P2RY8: variants seen among roughly 807,000 people sequenced by gnomAD.
The protein encoded by P2RY8 is S-geranylgeranyl-glutathione receptor P2RY8.
Under a neutral mutation model 10.0 loss-of-function variants are expected in P2RY8, and 6 were observed. That is an observed-to-expected ratio of 0.60 (90% CI 0.33 to 1.19). The LOEUF (loss-of-function observed/expected upper bound fraction) is 1.19. Ranked by LOEUF, P2RY8 falls within the 50% of genes most tolerant of loss-of-function variation. The probability of loss-of-function intolerance (pLI) is 0.04; values close to 1 mark genes in which losing one functional copy is unlikely to be tolerated. For missense variants in P2RY8, 456 were observed against 542.0 expected (o/e 0.84, Z 1.58); for synonymous variants, 276 against 252.5 (o/e 1.09, Z -0.88).
intron 1 of P2RY8, among the ~76,000 whole-genome samples, chrX:1,469,220 A>G (rs1214522122): frequency 2.8e-5 from 4 of 142,026 alleles, no homozygotes; most frequent in Non-Finnish European, 6.1e-5. Context: ...CTGGAATGCA[A>G]TGGCGTGATC....
chrX:1,528,830 A>G (rs1415496696), intron 1 of P2RY8, among the ~76,000 whole-genome samples: 2 of 151,826 alleles, frequency 1.3e-5, no homozygotes, highest in Admixed American at 6.6e-5. Flanking sequence ...GTCTCTTTGA[A>G]TGAGTGTGGA....
intron 1 of P2RY8, among the ~76,000 whole-genome samples, chrX:1,526,420 T>TCCA (rs2092440723): frequency 2.0e-5 from 3 of 151,728 alleles, no homozygotes; most frequent in Admixed American, 2.0e-4. Context: ...CATGCATCCA[T>TCCA]TCATTCATTC....
chrX:1,524,917 CCAT>C (rs2092430090), intron 1 of P2RY8, among the ~76,000 whole-genome samples: 1 of 151,698 alleles, frequency 6.6e-6, no homozygotes, highest in Non-Finnish European at 1.5e-5. Context: ...ATCCATCCAT[CCAT>C]CCACCCACCC....
At chrX:1,533,631 T>A (rs1464185140) in intron 1 of P2RY8, among the ~76,000 whole-genome samples, 1 of 124,186 alleles carries the variant, frequency 8.1e-6, no homozygotes, top group African/African-American at 3.2e-5. Flanking sequence ...TATATATTAT[T>A]ATTTACATAT....
At chrX:1,504,093 G>A (rs1336284034) in intron 1 of P2RY8, among the ~76,000 whole-genome samples, 7 of 151,542 alleles carry the variant, frequency 4.6e-5, no homozygotes, top group East Asian at 2.0e-4. Context: ...CGAGGCGGGC[G>A]GATCATGAGG....
intron 1 of P2RY8, among the ~76,000 whole-genome samples, chrX:1,528,171 T>C (rs775598280): frequency 6.6e-6 from 1 of 152,344 alleles, no homozygotes; most frequent in East Asian, 1.9e-4. Flanking sequence ...GAGCTTGTGA[T>C]GGACATATGG....
At chrX:1,524,831 AT>A in intron 1 of P2RY8, among the ~76,000 whole-genome samples, 1 of 112,612 alleles carries the variant, frequency 8.9e-6, no homozygotes, top group African/African-American at 2.9e-5. Context: ...CCATCCATCC[AT>A]CCATCCATCC....
At chrX:1,509,747 A>G (rs2092281325) in intron 1 of P2RY8, among the ~76,000 whole-genome samples, 1 of 107,898 alleles carries the variant, frequency 9.3e-6, no homozygotes, top group South Asian at 2.9e-4. Context: ...CTATGTATCT[A>G]TCTGTCTATC....
At chrX:1,516,526 AGAG>A (rs2092351447) in intron 1 of P2RY8, among the ~76,000 whole-genome samples, 1 of 151,288 alleles carries the variant, frequency 6.6e-6, no homozygotes, top group Non-Finnish European at 1.5e-5. Flanking sequence ...TCTCATAAGA[AGAG>A]GAGATGAGGA....
In P2RY8 at chrX:1,465,842, G is replaced by A. The variant is rs376408978; in HGVS notation, c.717C>T (p.Ala239=). ...TGACAAAGGCCAGCAAGACCACCGC[G>A]GCCAGGCCCACCGCGCGCCTCCGCT... The part of the protein sequence containing the change: ...REQRRRAVGL[A]AVVLLAFVTC... The change falls in exon 2 of 2, where the codon GCC becomes GCT. Residue 239 remains alanine (A), a synonymous_variant. Transcript: ENST00000381297. 1 of 1,612,778 alleles carries A rather than the reference G, an allele frequency of 6.2e-7. No homozygotes were observed. The highest frequency in any genetic ancestry group is 8.5e-7 in the Non-Finnish European group (1 of 1,179,734).
chrX:1,467,492 C>A (rs1396977425), intron 1 of P2RY8, among the ~76,000 whole-genome samples: 5 of 152,204 alleles, frequency 3.3e-5, no homozygotes, highest in African/African-American at 1.2e-4. Context: ...CCTATGGCTT[C>A]AGGAGGAAAA....
rs771290635 is a variant in P2RY8, at chrX:1,516,746, A to G, written c.-25+20175T>C. 2.5e-3 allele frequency among the ~76,000 whole-genome samples: 345 copies of G among 139,942 alleles called. 1 individual carries two copies. Among genetic ancestry groups the G allele is most frequent in the African/African-American group, 8.5e-3 (313 of 36,912 alleles). The allele number at this position is 139,942 out of a possible 152,430, so 91.8% of individuals were successfully genotyped here. On this transcript the variant is annotated intron_variant, in intron 1 of 1. Coordinates refer to ENST00000381297, the MANE Select transcript of P2RY8 (RefSeq NM_178129.5). The stretch of plus-strand genomic sequence containing the variant: ...GTGATAGCAGCCTGAAATGGACGAG[A>G]ACATCTCATAAGAAGAGGAGATGAG...
chrX:1,474,113 G>A (rs2091842742), intron 1 of P2RY8, among the ~76,000 whole-genome samples: 1 of 151,612 alleles, frequency 6.6e-6, no homozygotes, highest in Non-Finnish European at 1.5e-5. Flanking sequence ...TGTTTAGATA[G>A]GTGGATGTGT....
intron 1 of P2RY8, among the ~76,000 whole-genome samples, chrX:1,511,242 A>G (rs1213222129): frequency 5.8e-4 from 88 of 152,332 alleles, no homozygotes; most frequent in African/African-American, 2.1e-3. Flanking sequence ...ATTGGGGCAC[A>G]TTAAAGGTTA....
chrX:1,504,177 G>C (rs759790806), intron 1 of P2RY8, among the ~76,000 whole-genome samples: 4 of 149,952 alleles, frequency 2.7e-5, no homozygotes. Context: ...TTAGCTGGGC[G>C]TAGTTGCAGG....
At chrX:1,482,161 G>T (rs1158988541) in intron 1 of P2RY8, among the ~76,000 whole-genome samples, 5 of 25,966 alleles carry the variant, frequency 1.9e-4, no homozygotes, top group East Asian at 1.2e-3. Context: ...TGTGTGTGTG[G>T]TGTGTGTGTG....
intron 1 of P2RY8, among the ~76,000 whole-genome samples, chrX:1,522,961 C>T (rs766927422): frequency 1.2e-3 from 175 of 147,132 alleles, no homozygotes; most frequent in African/African-American, 4.3e-3. Flanking sequence ...CCCAGCTACT[C>T]GGGAGGCTGA....
Position 1,465,115 on chromosome X carries a change from T to G in P2RY8, c.*364A>C. 2.8e-6 allele frequency: 1 copy of G among 360,698 alleles called. No homozygotes were observed. Among genetic ancestry groups the G allele is most frequent in the Non-Finnish European group, 5.1e-6 (1 of 197,824 alleles). The allele number at this position is 360,698 out of a possible 1,614,324, so 22.3% of individuals were successfully genotyped here. On this transcript the variant is annotated 3_prime_UTR_variant, in exon 2 of 2. Transcript: ENST00000381297. ...CGGGTATGGACAGGTGTGAGGAGTG[T>G]CTAAGGAGCTCGGGGGTGACAGCCC...
Position 1,465,940 on chromosome X carries a change from C to T in P2RY8, c.619G>A (p.Val207Met). ...IFILLFLIPF[V>M]ITVACYTATI... ...GCCGTGTAACAAGCCACGGTGATCA[C>T]GAACGGGATGAGGAACAGCAGGATG... is the stretch of plus-strand genomic sequence containing the variant. The change falls in exon 2 of 2, where the codon GTG (valine) becomes ATG (methionine). Residue 207 changes from valine to methionine, a missense_variant. Transcript: ENST00000381297. The T allele has an allele frequency of 2.5e-6, 4 of 1,612,482 alleles. No homozygotes were observed. The highest frequency in any genetic ancestry group is 2.5e-6 in the Non-Finnish European group (3 of 1,179,796).
Sources: allele counts gnomAD v4.1 joint callset (sites outside exome capture counted in the v4.1 genomes callset), GRCh38; gene constraint gnomAD v4.1.1; transcripts MANE v1.5; gene names NCBI Gene and HGNC (gene_info 2026-07-23, HGNC 2026-07-21).